The following SLC16A7 variants were observed in gnomAD, a reference collection of about 807,000 sequenced individuals.
SLC16A7 encodes monocarboxylate transporter 2.
In SLC16A7, 33 loss-of-function variants were observed where a neutral mutation model predicts 34.9. The observed-to-expected ratio is 0.94, with a 90% CI of 0.72 to 1.26. The LOEUF (loss-of-function observed/expected upper bound fraction) is 1.26, where lower values mean the gene tolerates loss of function less well. Among genes scored for constraint, SLC16A7 ranks in the 50% most tolerant of loss-of-function variants. The pLI, the probability that SLC16A7 is intolerant of heterozygous loss-of-function variation, is 0.00. For synonymous variants in SLC16A7, 201 were observed against 206.6 expected (o/e 0.97, Z 0.23); for missense variants, 573 against 578.1 (o/e 0.99, Z 0.09).
intron 1 of SLC16A7, among the ~76,000 whole-genome samples, chr12:59,611,560 C>T (rs1879194158): frequency 6.6e-6 from 1 of 152,184 alleles, no homozygotes; most frequent in South Asian, 2.1e-4. Context: ...CATTTTATAA[C>T]AAAATCATGC....
chr12:59,738,706 C>T (rs12317862), intron 3 of SLC16A7, among the ~76,000 whole-genome samples: 2,656 of 152,148 alleles, frequency 0.017, 61 homozygotes, highest in African/African-American at 0.059. Flanking sequence ...CTAATGACTG[C>T]TCATAGGTGA....
chr12:59,601,852 C>G (rs567075348), intron 1 of SLC16A7, among the ~76,000 whole-genome samples: 2 of 152,270 alleles, frequency 1.3e-5, no homozygotes, highest in South Asian at 4.1e-4. Flanking sequence ...AGAGTTCCTT[C>G]CTTATGACCT....
intron 1 of SLC16A7, among the ~76,000 whole-genome samples, chr12:59,617,993 G>C (rs1055831278): frequency 8.6e-5 from 13 of 151,718 alleles, no homozygotes; most frequent in African/African-American, 3.1e-4. Flanking sequence ...CTGAAATATA[G>C]CTATATTTTA....
chr12:59,765,100 T>A (rs541548419), intron 3 of SLC16A7, among the ~76,000 whole-genome samples: 48 of 152,314 alleles, frequency 3.2e-4, no homozygotes, highest in African/African-American at 1.1e-3. Context: ...GAGCATTTTT[T>A]CATGTGTTTT....
chr12:59,780,676 A>G lies in SLC16A7; in HGVS notation c.*997A>G, dbSNP rs1355943328. On this transcript the variant is annotated 3_prime_UTR_variant, in exon 6 of 6. Transcript: ENST00000547379. Reference sequence around the variant, plus strand: ...GATTCACTGTTATACTGAAATATCAAAGTAAAATCCTAGTTGGCAGGATTG... The same window carrying G: ...GATTCACTGTTATACTGAAATATCAGAGTAAAATCCTAGTTGGCAGGATTG... 6.6e-6 allele frequency: 1 copy of G among 152,178 alleles called. No homozygotes were observed. The highest frequency in any genetic ancestry group is 1.5e-5 in the Non-Finnish European group (1 of 68,020). The allele number at this position is 152,178 out of a possible 1,614,324, so 9.4% of individuals were successfully genotyped here.
chr12:59,670,110 C>G (rs984068915), intron 2 of SLC16A7, among the ~76,000 whole-genome samples: 1 of 152,210 alleles, frequency 6.6e-6, no homozygotes, highest in African/African-American at 2.4e-5. Flanking sequence ...TCCTCCCTTG[C>G]CTCTTCCAGC....
At chr12:59,778,145 G>T (rs1882945774) in intron 5 of SLC16A7, among the ~76,000 whole-genome samples, 1 of 152,040 alleles carries the variant, frequency 6.6e-6, no homozygotes, top group Admixed American at 6.6e-5. Flanking sequence ...TGCTGATGTG[G>T]CAGCCCAAAG....
intron 3 of SLC16A7, among the ~76,000 whole-genome samples, chr12:59,728,231 A>T (rs1876516783): frequency 6.6e-6 from 1 of 152,170 alleles, no homozygotes; most frequent in African/African-American, 2.4e-5. Flanking sequence ...TTGGGACATA[A>T]TGGGTCTGGG....
intron 1 of SLC16A7, among the ~76,000 whole-genome samples, chr12:59,631,826 A>G (rs1880195944): frequency 6.6e-6 from 1 of 151,938 alleles, no homozygotes; most frequent in Non-Finnish European, 1.5e-5. Context: ...TGTTTAAAGC[A>G]CCGTTCCATG....
At chr12:59,733,766 A>G (rs1390944959) in intron 3 of SLC16A7, 2 of 456,074 alleles carry the variant, frequency 4.4e-6, no homozygotes, top group Admixed American at 4.7e-5. Flanking sequence ...CACATGGACA[A>G]CCGGAGAGCG....
chr12:59,646,862 C>T (rs1413308369), intron 1 of SLC16A7, among the ~76,000 whole-genome samples: 4 of 152,040 alleles, frequency 2.6e-5, no homozygotes, highest in Admixed American at 2.6e-4. Flanking sequence ...AGTGAGTCAG[C>T]TTTTGGAACT....
chr12:59,700,947 T>C (rs1197501792), intron 2 of SLC16A7, among the ~76,000 whole-genome samples: 1 of 151,738 alleles, frequency 6.6e-6, no homozygotes, highest in East Asian at 1.9e-4. Context: ...ATTACTCTTG[T>C]GAGGTAGGTA....
intron 3 of SLC16A7, among the ~76,000 whole-genome samples, chr12:59,715,757 G>C (rs567564729): frequency 6.6e-6 from 1 of 152,300 alleles, no homozygotes; most frequent in Admixed American, 6.5e-5. Context: ...TGTAAATATA[G>C]AATCTGCAAA....
At chr12:59,613,062 G>A (rs1401408375) in intron 1 of SLC16A7, among the ~76,000 whole-genome samples, 1 of 152,190 alleles carries the variant, frequency 6.6e-6, no homozygotes, top group Non-Finnish European at 1.5e-5. Context: ...ATGTTCTCGT[G>A]CTGCTATAAG....
chr12:59,692,902 T>C (rs1055679447), intron 2 of SLC16A7, among the ~76,000 whole-genome samples: 1 of 151,960 alleles, frequency 6.6e-6, no homozygotes, highest in Non-Finnish European at 1.5e-5. Flanking sequence ...TAATTACATG[T>C]TGGGAAAGAA....
intron 2 of SLC16A7, among the ~76,000 whole-genome samples, chr12:59,667,250 A>G (rs1432090694): frequency 6.6e-6 from 1 of 152,212 alleles, no homozygotes; most frequent in East Asian, 1.9e-4. Context: ...GTGGGGACAC[A>G]GCCAAACCAT....
intron 2 of SLC16A7, among the ~76,000 whole-genome samples, chr12:59,659,868 A>G (rs987150462): frequency 6.6e-5 from 10 of 152,112 alleles, no homozygotes; most frequent in African/African-American, 2.2e-4. Flanking sequence ...AAATTCAGCA[A>G]TCAGATGTGG....
intron 3 of SLC16A7, among the ~76,000 whole-genome samples, chr12:59,750,717 C>T (rs1879425852): frequency 6.6e-6 from 1 of 152,094 alleles, no homozygotes; most frequent in African/African-American, 2.4e-5. Flanking sequence ...TGGGTATATA[C>T]CCAAAGGATT....
At chr12:59,750,382 C>A in intron 3 of SLC16A7, among the ~76,000 whole-genome samples, 1 of 151,908 alleles carries the variant, frequency 6.6e-6, no homozygotes, top group Non-Finnish European at 1.5e-5. Context: ...AAAAACAACC[C>A]CATCAAAAAG....
Sources: allele counts gnomAD v4.1 joint callset (sites outside exome capture counted in the v4.1 genomes callset), GRCh38; gene constraint gnomAD v4.1.1; transcripts MANE v1.5; gene names NCBI Gene and HGNC (gene_info 2026-07-23, HGNC 2026-07-21).